EPHA3: variants seen among roughly 807,000 people sequenced by gnomAD.
EPHA3 encodes the protein EPH receptor A3, also known as ephrin type-A receptor 3.
Under a neutral mutation model 107.1 loss-of-function variants are expected in EPHA3, and 42 were observed. That is an observed-to-expected ratio of 0.39 (90% confidence interval 0.31 to 0.51). The LOEUF (loss-of-function observed/expected upper bound fraction) is 0.51, where lower values mean the gene tolerates loss of function less well. Ranked by LOEUF, EPHA3 falls within the 20% of genes least tolerant of loss-of-function variation. The probability of loss-of-function intolerance (pLI) is 0.78; values close to 1 mark genes in which losing one functional copy is unlikely to be tolerated. For synonymous variants in EPHA3, 461 were observed against 424.8 expected (o/e 1.09, Z -1.05); for missense variants, 1,183 against 1,211.2 (o/e 0.98, Z 0.35).
intron 2 of EPHA3, among the ~76,000 whole-genome samples, chr3:89,158,897 T>C (rs967477898): frequency 1.5e-4 from 23 of 152,134 alleles, no homozygotes; most frequent in African/African-American, 5.6e-4. Flanking sequence ...CTTAATTTTG[T>C]TAAAGAAAAA....
intron 2 of EPHA3, among the ~76,000 whole-genome samples, chr3:89,170,270 A>AG (rs1307765451): frequency 6.6e-6 from 1 of 151,884 alleles, no homozygotes; most frequent in Non-Finnish European, 1.5e-5. Context: ...AAAAAAAAAA[A>AG]AGAGATTATA....
chr3:89,211,793 TCTTCTTCTTCTTCTTCTTCTTCTTCTC>T (rs1559603038), intron 3 of EPHA3, among the ~76,000 whole-genome samples: 3,832 of 112,148 alleles, frequency 0.034, 99 homozygotes, highest in Middle Eastern at 0.061. Flanking sequence ...TTCTTCTTCT[TCTTCTTCTTCTTCTTCTTCTTCTTCTC>T]CTTCTCCTCC....
rs1229749081 is a variant in EPHA3, at chr3:89,146,788, A to C, written c.153+19515A>C. ...TTTATAGTTTTAGGTTTTACATTTA[A>C]GTCTTTAGTTCATCTTGAGTTAATT... On this transcript the variant is annotated intron_variant, in intron 2 of 16. Coordinates refer to ENST00000336596, the MANE Select transcript of EPHA3 (RefSeq NM_005233.6). Among the ~76,000 whole-genome samples, 10 of 152,032 alleles carry C rather than the reference A, an allele frequency of 6.6e-5. No individual in the cohort carries two copies. The East Asian group carries it at 1.6e-3, about 24-fold the overall frequency.
At chr3:89,351,423 TC>T (rs1316504028) in intron 5 of EPHA3, among the ~76,000 whole-genome samples, 1 of 150,724 alleles carries the variant, frequency 6.6e-6, no homozygotes, top group Non-Finnish European at 1.5e-5. Context: ...GAAAGGGAAC[TC>T]CCTGACCCCT....
At chr3:89,407,598 C>G (rs1418660383) in intron 8 of EPHA3, among the ~76,000 whole-genome samples, 1 of 152,014 alleles carries the variant, frequency 6.6e-6, no homozygotes, top group East Asian at 1.9e-4. Context: ...TTAACATACA[C>G]CCCTCCTCTT....
intron 5 of EPHA3, among the ~76,000 whole-genome samples, chr3:89,370,515 G>T (rs1329131060): frequency 6.6e-6 from 1 of 151,520 alleles, no homozygotes; most frequent in Non-Finnish European, 1.5e-5. Context: ...TGTGGGGTGG[G>T]AGGAGGGGGG....
intron 2 of EPHA3, among the ~76,000 whole-genome samples, chr3:89,186,142 TTACA>T (rs1358263907): frequency 2.0e-5 from 3 of 151,986 alleles, no homozygotes; most frequent in Non-Finnish European, 4.4e-5. Flanking sequence ...AATTATAGTC[TTACA>T]TTCATAATTG....
At position 89,340,938 on chromosome 3, in the gene EPHA3, G is replaced by A; in HGVS notation, c.837G>A (p.Lys279=). ...TAGCTTGTCGACCAGGTTTCTACAA[G>A]GCATTGGATGGTAATATGAAGTGTG... ...MCQACRPGFY[K]ALDGNMKCAK... is the part of the protein sequence containing the mutation. The change falls in exon 4 of 17, where the codon AAG becomes AAA. Residue 279 remains lysine, a synonymous_variant. Coordinates refer to ENST00000336596, the MANE Select transcript of EPHA3 (RefSeq NM_005233.6). 2 of 1,611,012 alleles carry A rather than the reference G, an allele frequency of 1.2e-6. No homozygotes were observed. The highest frequency in any genetic ancestry group is 1.1e-5 in the South Asian group (1 of 90,434).
chr3:89,140,717 T>C (rs1303572637), intron 2 of EPHA3, among the ~76,000 whole-genome samples: 3 of 151,742 alleles, frequency 2.0e-5, no homozygotes, highest in African/African-American at 7.2e-5. Flanking sequence ...AATAGCATTA[T>C]TTCAGAAGTG....
intron 2 of EPHA3, among the ~76,000 whole-genome samples, chr3:89,190,382 T>C (rs1205657307): frequency 6.6e-6 from 1 of 152,200 alleles, no homozygotes; most frequent in African/African-American, 2.4e-5. Flanking sequence ...GAACAATATA[T>C]CTACCAATTA....
At chr3:89,474,538 T>G (rs1358677709) in intron 16 of EPHA3, among the ~76,000 whole-genome samples, 3 of 152,220 alleles carry the variant, frequency 2.0e-5, no homozygotes, top group African/African-American at 7.2e-5. Context: ...AAGTTGAACA[T>G]GTCCACATCA....
At chr3:89,328,373 A>G (rs1408667413) in intron 3 of EPHA3, among the ~76,000 whole-genome samples, 13 of 152,136 alleles carry the variant, frequency 8.5e-5, no homozygotes, top group South Asian at 2.1e-4. Context: ...TCTACTCCTA[A>G]TAAAGTTTCT....
chr3:89,389,140 G>A (rs896721761), intron 5 of EPHA3, among the ~76,000 whole-genome samples: 18 of 152,120 alleles, frequency 1.2e-4, no homozygotes, highest in Non-Finnish European at 1.0e-4. Context: ...ATAAGGTTTT[G>A]TAGCTAAAAT....
rs567357147 is a variant in EPHA3 at position 89,420,014 on chromosome 3, C to A, written c.2074+624C>A. Among the ~76,000 whole-genome samples the A allele has an allele frequency of 2.2e-4, 34 of 151,472 alleles. 1 individual carries two copies. The South Asian group carries it at 6.8e-3, about 31-fold the overall frequency. On this transcript the variant is annotated intron_variant, in intron 11 of 16. Transcript: ENST00000336596. ...CATGATAGAGATGTGAACTTATTTC[C>A]ATGATGGTTTCTCCAGCAGGTCTCA...
rs528090397 is a variant in EPHA3, at chr3:89,252,334, T to C, written c.814+41814T>C. On this transcript the variant is annotated intron_variant, in intron 3 of 16. Transcript: ENST00000336596. ...CAGAATCAGAGAGAATATTTTATATTTTTTGGCTATTTGTGTTAAGAAAAA... is the reference window on the plus strand; with the variant it reads ...CAGAATCAGAGAGAATATTTTATATCTTTTGGCTATTTGTGTTAAGAAAAA... Among the ~76,000 whole-genome samples the C allele has an allele frequency of 4.9e-4, 74 of 152,310 alleles. 1 individual carries two copies. The highest frequency in any genetic ancestry group is 3.5e-3 in the South Asian group (17 of 4,824).
At chr3:89,188,507 T>C (rs1273087433) in intron 2 of EPHA3, among the ~76,000 whole-genome samples, 1 of 152,216 alleles carries the variant, frequency 6.6e-6, no homozygotes, top group Admixed American at 6.5e-5. Flanking sequence ...TTCTAATAAA[T>C]GAAAAATTCT....
At chr3:89,118,305 A>G (rs1311443169) in intron 1 of EPHA3, among the ~76,000 whole-genome samples, 1 of 151,914 alleles carries the variant, frequency 6.6e-6, no homozygotes, top group Non-Finnish European at 1.5e-5. Flanking sequence ...GTTTTTTTCT[A>G]TATTTTCAGA....
At chr3:89,274,132 A>G (rs1043827555) in intron 3 of EPHA3, among the ~76,000 whole-genome samples, 3 of 151,902 alleles carry the variant, frequency 2.0e-5, no homozygotes, top group South Asian at 2.1e-4. Flanking sequence ...TTGGGTCACA[A>G]ATAAGTTTTA....
Position 89,206,270 on chromosome 3 carries a change from AACTACACTGAG to A in EPHA3, c.154-3588_154-3578del, listed in dbSNP as rs1462042581. On this transcript the variant is annotated intron_variant, in intron 2 of 16. Transcript: ENST00000336596. Reference sequence around the variant, plus strand: ...ACTTGTGGTATCTTGCCAAATGTTAAACTACACTGAGATCTCCATAATTAAAATCATATTTT... The same window carrying A: ...ACTTGTGGTATCTTGCCAAATGTTAAATCTCCATAATTAAAATCATATTTT... Among the ~76,000 whole-genome samples, 4 of 152,260 alleles carry A rather than the reference AACTACACTGAG, an allele frequency of 2.6e-5. No individual in the cohort carries two copies. The East Asian group carries it at 7.7e-4, about 29-fold the overall frequency.
Sources: allele counts gnomAD v4.1 joint callset (sites outside exome capture counted in the v4.1 genomes callset), GRCh38; gene constraint gnomAD v4.1.1; transcripts MANE v1.5; gene names NCBI Gene and HGNC (gene_info 2026-07-23, HGNC 2026-07-21).